Variants in ATM observed in about 807,000 individuals in gnomAD.
The protein encoded by ATM is serine-protein kinase ATM.
In ATM, 308 loss-of-function variants were observed where a neutral mutation model predicts 387.0. That is an observed-to-expected ratio of 0.80 (90% CI 0.73 to 0.87). The LOEUF (loss-of-function observed/expected upper bound fraction) is 0.87, where lower values mean the gene tolerates loss of function less well. Among genes scored for constraint, ATM ranks in the 40% least tolerant of loss-of-function variants. The pLI is 0.00. For synonymous variants in ATM, 1,156 were observed against 1,187.3 expected, an observed-to-expected ratio of 0.97 and a Z score of 0.54; for missense variants, 3,312 against 3,560.9, an observed-to-expected ratio of 0.93 and a Z score of 1.78.
chr11:108,255,421 ACT>A lies in ATM; in HGVS notation c.2125-793_2125-792del, dbSNP rs771322979. Among the ~76,000 whole-genome samples the A allele has an allele frequency of 9.8e-5, 12 of 122,294 alleles. No homozygotes were observed. In the East Asian group the frequency reaches 2.8e-3, roughly 29 times the overall value. 80.2% of individuals were successfully genotyped at this position (122,294 alleles called of 152,430 possible). ...TTAGTAATTCTATAAAATTGTCTAA[ACT>A]TTTTTTTTTTTTTTTTTTTTGAGAT... On this transcript the variant is annotated intron_variant, in intron 13 of 62. Transcript: ENST00000675843.
At position 108,347,336 on chromosome 11, in the gene ATM, A is replaced by G. The variant is rs1555139623; in HGVS notation, c.8642A>G (p.Gln2881Arg). The G allele has an allele frequency of 6.2e-6, 10 of 1,610,468 alleles. No homozygotes were observed. Among genetic ancestry groups the G allele is most frequent in the Non-Finnish European group, 8.5e-6 (10 of 1,176,872 alleles). ...GTACAGAATATCTTGATAAATGAGC[A>G]GTCAGCAGAACTTGTACATATAGAT... is the stretch of plus-strand genomic sequence containing the variant. Reference protein sequence around the residue: ...RHVQNILINEQSAELVHIDLG... With the variant: ...RHVQNILINERSAELVHIDLG... The change falls in exon 59 of 63, where the codon CAG (glutamine) becomes CGG (arginine). Residue 2881 changes from glutamine (Q) to arginine (R), a missense_variant. Around this residue, in one of 4 missense-constraint regions of ATM, gnomAD observed 1,405 missense variants for 1,604.4 expected, o/e 0.88. Transcript: ENST00000675843.
At position 108,297,339 on chromosome 11, in the gene ATM, A is replaced by G. The variant is rs2135862796; in HGVS notation, c.4962A>G (p.Leu1654=). 11 of 1,614,128 alleles carry G rather than the reference A, an allele frequency of 6.8e-6. No individual in the cohort carries two copies. The highest frequency in any genetic ancestry group is 8.5e-6 in the Non-Finnish European group (10 of 1,179,994). Residue 1654 remains leucine, a synonymous_variant, in exon 33 of 63, where the codon TTA becomes TTG. Coordinates refer to ENST00000675843, the MANE Select transcript of ATM (RefSeq NM_000051.4). ...AACTAGTTGTCAATTTGTTGCAGTT[A>G]TCCAAGATGGCAATAAACCACACTG... The part of the protein sequence containing the change: ...MVKLVVNLLQ[L]SKMAINHTGE...
intron 5 of ATM, chr11:108,236,118 C>T: frequency 4.6e-6 from 2 of 434,916 alleles, no homozygotes; most frequent in East Asian, 4.7e-5. Flanking sequence ...GAAGAAAACC[C>T]AAGTAAACCA....
intron 16 of ATM, among the ~76,000 whole-genome samples, chr11:108,266,075 G>A (rs2081217630): frequency 6.6e-6 from 1 of 151,910 alleles, no homozygotes; most frequent in African/African-American, 2.4e-5. Flanking sequence ...AGTCAGTGTG[G>A]TGATTCCTCA....
intron 45 of ATM, among the ~76,000 whole-genome samples, chr11:108,325,040 T>C (rs1178953363): frequency 2.0e-5 from 3 of 152,166 alleles, no homozygotes; most frequent in South Asian, 2.1e-4. Flanking sequence ...GGGCTGCTTT[T>C]TGTAATGTCA....
chr11:108,311,255 A>T (rs987923971), intron 39 of ATM, among the ~76,000 whole-genome samples: 4 of 152,196 alleles, frequency 2.6e-5, no homozygotes, highest in East Asian at 3.8e-4. Flanking sequence ...GATTACAAGC[A>T]TGAGCCGCTG....
Position 108,345,736 on chromosome 11 carries a change from T to C in ATM, c.8419-7T>C, listed in dbSNP as rs1591263768. ...GAAAAATAATTATATATATTCTCTA[T>C]TTAAAGGAGGTGCAAAAAAAGTCTT... On this transcript the variant is annotated splice_polypyrimidine_tract_variant and splice_region_variant and intron_variant, in intron 57 of 62. Transcript: ENST00000675843. 2 of 1,592,270 alleles carry C rather than the reference T, an allele frequency of 1.3e-6. No homozygotes were observed. The highest frequency in any genetic ancestry group is 1.7e-6 in the Non-Finnish European group (2 of 1,161,804).
intron 59 of ATM, among the ~76,000 whole-genome samples, chr11:108,351,234 G>A (rs956741681): frequency 3.3e-5 from 5 of 152,172 alleles, no homozygotes; most frequent in East Asian, 1.9e-4. Context: ...GGATAGTGGT[G>A]ACCCTTTGAA....
At chr11:108,341,008 T>C (rs143914351) in intron 56 of ATM, among the ~76,000 whole-genome samples, 110 of 152,198 alleles carry the variant, frequency 7.2e-4, no homozygotes, top group African/African-American at 2.6e-3. Flanking sequence ...CTGTATTCCA[T>C]TTTCCTGTTC....
At chr11:108,247,154 T>A (rs2135270644) in intron 8 of ATM, 27 bp downstream of exon 8, 2 of 1,612,662 alleles carry the variant, frequency 1.2e-6, no homozygotes, top group Non-Finnish European at 1.7e-6. Context: ...ATGTCACATT[T>A]AGAAATTTCC....
At chr11:108,361,443 A>T (rs2090740632) in intron 61 of ATM, among the ~76,000 whole-genome samples, 2 of 152,024 alleles carry the variant, frequency 1.3e-5, no homozygotes, top group South Asian at 4.2e-4. Flanking sequence ...ATTGGAAAAA[A>T]CTACTTTAAA....
chr11:108,284,519 A>C (rs766597927), intron 26 of ATM, 46 bp downstream of exon 26: 5 of 1,603,520 alleles, frequency 3.1e-6, no homozygotes, highest in Non-Finnish European at 4.3e-6. Context: ...GAATGATATG[A>C]GATATAACCT....
intron 9 of ATM, among the ~76,000 whole-genome samples, chr11:108,250,255 C>T (rs1386578304): frequency 6.6e-6 from 1 of 151,858 alleles, no homozygotes; most frequent in Non-Finnish European, 1.5e-5. Flanking sequence ...CAGGTTCAAG[C>T]AGTTATCCTG....
intron 9 of ATM, 143 bp from the exon 10 acceptor site, chr11:108,250,558 C>G (rs2080078287): frequency 1.1e-6 from 1 of 935,802 alleles, no homozygotes. Context: ...TAACTATTAA[C>G]AGCCAGTTTA....
Position 108,347,260 on chromosome 11 carries a change from T to C in ATM, c.8585-19T>C, listed in dbSNP as rs2137076742. The C allele has an allele frequency of 3.9e-6, 6 of 1,542,098 alleles. No homozygotes were observed. The highest frequency in any genetic ancestry group is 4.5e-6 in the Non-Finnish European group (5 of 1,114,860). ...GATGGAATCAGTGATTTCAGATTGT[T>C]TGTTTCTTTTTTCTCCAGTTGGTTA... On this transcript the variant is annotated intron_variant, in intron 58 of 62. Coordinates refer to ENST00000675843, the MANE Select transcript of ATM (RefSeq NM_000051.4).
intron 38 of ATM, 159 bp downstream of exon 38, chr11:108,308,143 A>G (rs781261446): frequency 4.1e-5 from 30 of 739,612 alleles, no homozygotes; most frequent in Non-Finnish European, 5.3e-5. Flanking sequence ...CATATTCAGG[A>G]TAGCAGTTTG....
chr11:108,272,848 A>G lies in ATM; in HGVS notation c.3280A>G (p.Asn1094Asp), dbSNP rs1591610333. ...TCGCATGTTGGCTGCAGAGTCAATC[A>G]ATAGGTAATGGGTCAAATATTCATG... Reference protein sequence around the residue: ...QVRMLAAESINRLFQDTKGDS... With the variant: ...QVRMLAAESIDRLFQDTKGDS... Residue 1094 changes from asparagine (N) to aspartate (D), a missense_variant, in exon 22 of 63, where the codon AAT becomes GAT. By Grantham distance (23) the Asn-to-Asp change is conservative. Transcript: ENST00000675843. The G allele has an allele frequency of 2.5e-6, 4 of 1,614,032 alleles. No individual in the cohort carries two copies. In the South Asian group the frequency reaches 3.3e-5, roughly 13 times the overall value.
rs2135915200 is a variant in ATM at position 108,301,765 on chromosome 11, G to A, written c.5295G>A (p.Gln1765=). The stretch of plus-strand genomic sequence containing the variant: ...CAGATCCAATGCTGGCCTATCTACA[G>A]CCTTTTAGAACATCAAGAAAAAAGG... ...MTTDPMLAYL[Q]PFRTSRKKFL... The change falls in exon 35 of 63, where the codon CAG becomes CAA. Residue 1765 remains glutamine (Q), a synonymous_variant. Transcript: ENST00000675843. 6.2e-7 allele frequency: 1 copy of A among 1,613,576 alleles called. No individual in the cohort carries two copies. Among genetic ancestry groups the A allele is most frequent in the Non-Finnish European group, 8.5e-7 (1 of 1,179,714 alleles).
At chr11:108,323,972 T>G (rs1188501189) in intron 45 of ATM, among the ~76,000 whole-genome samples, 2 of 152,202 alleles carry the variant, frequency 1.3e-5, no homozygotes, top group Non-Finnish European at 2.9e-5. Context: ...TAAGTTTTGT[T>G]TTGTTTTGGG....
Sources: gnomAD v4.1 joint callset for allele counts (sites outside exome capture counted in the v4.1 genomes callset) on GRCh38, gnomAD v4.1.1 for gene constraint, gnomAD v4.1.1 regional missense constraint, MANE v1.5 for transcripts, NCBI Gene and HGNC (gene_info 2026-07-23, HGNC 2026-07-21) for gene names.